HCN1: variants seen among roughly 807,000 people sequenced by gnomAD.
HCN1 encodes the protein hyperpolarization activated cyclic nucleotide gated potassium channel 1.
HCN1 carries 13 observed loss-of-function variants against 78.9 expected under a neutral mutation model. The ratio of observed to expected loss-of-function variants is 0.16; its 90% CI spans 0.11 to 0.26. The LOEUF (loss-of-function observed/expected upper bound fraction) is 0.26. Among genes scored for constraint, HCN1 ranks in the 10% least tolerant of loss-of-function variants. The probability of loss-of-function intolerance (pLI) is 1.00; values close to 1 mark genes in which losing one functional copy is unlikely to be tolerated. For missense variants in HCN1, 810 were observed against 1,154.3 expected (o/e 0.70, Z 4.32); for synonymous variants, 552 against 455.5 (o/e 1.21, Z -2.70).
chr5:45,306,793 T>A (rs1382159057), intron 5 of HCN1, among the ~76,000 whole-genome samples: 7 of 152,112 alleles, frequency 4.6e-5, no homozygotes, highest in Non-Finnish European at 8.8e-5. Flanking sequence ...TAGCTCTTTT[T>A]ATCAAAATAT....
At chr5:45,460,479 C>T (rs1741123536) in intron 3 of HCN1, among the ~76,000 whole-genome samples, 2 of 152,026 alleles carry the variant, frequency 1.3e-5, no homozygotes, top group African/African-American at 2.4e-5. Flanking sequence ...TACACCAAGA[C>T]ACCACTGGAA....
At chr5:45,525,724 C>T (rs1742724839) in intron 2 of HCN1, among the ~76,000 whole-genome samples, 1 of 151,960 alleles carries the variant, frequency 6.6e-6, no homozygotes, top group South Asian at 2.1e-4. Context: ...AATTAGTCAC[C>T]TACATACAGT....
At chr5:45,623,440 T>A (rs1745106833) in intron 2 of HCN1, among the ~76,000 whole-genome samples, 1 of 152,186 alleles carries the variant, frequency 6.6e-6, no homozygotes, top group African/African-American at 2.4e-5. Flanking sequence ...GGTTATCTAA[T>A]ACCCTTTGTT....
intron 1 of HCN1, among the ~76,000 whole-genome samples, chr5:45,667,168 A>T (rs968834841): frequency 2.0e-5 from 3 of 151,918 alleles, no homozygotes; most frequent in Non-Finnish European, 2.9e-5. Flanking sequence ...ACATAGGGAC[A>T]CAGTAAGAAT....
At chr5:45,326,961 T>C (rs1420812066) in intron 5 of HCN1, among the ~76,000 whole-genome samples, 2 of 151,538 alleles carry the variant, frequency 1.3e-5, no homozygotes, top group African/African-American at 4.8e-5. Context: ...CATTTGATTA[T>C]AAAGGGAAAA....
chr5:45,363,623 T>G (rs1485161250), intron 4 of HCN1, among the ~76,000 whole-genome samples: 1 of 152,050 alleles, frequency 6.6e-6, no homozygotes, highest in Non-Finnish European at 1.5e-5. Flanking sequence ...CAACTTGAAT[T>G]ATATCTCTCA....
intron 2 of HCN1, among the ~76,000 whole-genome samples, chr5:45,545,587 C>T (rs1386868470): frequency 6.6e-6 from 1 of 152,150 alleles, no homozygotes. Context: ...TTAGGTCTAA[C>T]ATGTAAATCT....
chr5:45,354,055 G>T (rs1029053192), intron 4 of HCN1, among the ~76,000 whole-genome samples: 5 of 151,620 alleles, frequency 3.3e-5, no homozygotes, highest in Admixed American at 3.3e-4. Context: ...CACCCAGAGA[G>T]AGAGAGAGAG....
chr5:45,371,432 G>T (rs970797962), intron 4 of HCN1, among the ~76,000 whole-genome samples: 1 of 151,736 alleles, frequency 6.6e-6, no homozygotes, highest in African/African-American at 2.4e-5. Context: ...ATTCAACAAT[G>T]ACAAAGGGGA....
chr5:45,513,083 AC>A (rs1037271902), intron 2 of HCN1, among the ~76,000 whole-genome samples: 3 of 152,084 alleles, frequency 2.0e-5, no homozygotes, highest in African/African-American at 7.2e-5. Context: ...TTTCGAAGAC[AC>A]CCATAGGGCG....
At chr5:45,578,607 G>A (rs1429683817) in intron 2 of HCN1, among the ~76,000 whole-genome samples, 2 of 151,994 alleles carry the variant, frequency 1.3e-5, no homozygotes, top group African/African-American at 2.4e-5. Flanking sequence ...TCAACAGTAC[G>A]GAGCATTCAC....
At chr5:45,584,257 T>C (rs1714571954) in intron 2 of HCN1, among the ~76,000 whole-genome samples, 6 of 152,188 alleles carry the variant, frequency 3.9e-5, no homozygotes, top group Admixed American at 3.3e-4. Context: ...CTCTTCTTGT[T>C]GAATTGATCC....
In HCN1 at chr5:45,478,274, CAG is replaced by C; in HGVS notation, c.850-16269_850-16268del. 3.3e-5 allele frequency among the ~76,000 whole-genome samples: 5 copies of C among 152,032 alleles called. No individual in the cohort carries two copies. The South Asian group carries it at 1.0e-3, about 32-fold the overall frequency. ...GCTCAGGGTAAATCAGTGAAAAAAA[CAG>C]AGATTTCTACTATTGTAAAAATGAA... On this transcript the variant is annotated intron_variant, in intron 2 of 7. Coordinates refer to ENST00000303230, the MANE Select transcript of HCN1 (RefSeq NM_021072.4).
chr5:45,372,334 A>G (rs1259088954), intron 4 of HCN1, among the ~76,000 whole-genome samples: 1 of 103,310 alleles, frequency 9.7e-6, no homozygotes, highest in Admixed American at 1.6e-4. Flanking sequence ...GTTATATAAT[A>G]TATATCATAT....
intron 4 of HCN1, among the ~76,000 whole-genome samples, chr5:45,365,276 C>T (rs1456278521): frequency 6.6e-6 from 1 of 151,706 alleles, no homozygotes; most frequent in African/African-American, 2.4e-5. Context: ...GACTGGGCTT[C>T]TAATGTACCC....
At chr5:45,576,473 C>G (rs534320969) in intron 2 of HCN1, 2 of 152,142 alleles carry the variant, frequency 1.3e-5, no homozygotes, top group African/African-American at 4.8e-5. Context: ...ATTGATGTGG[C>G]CAACTTCCTT....
intron 2 of HCN1, among the ~76,000 whole-genome samples, chr5:45,534,520 C>T (rs186270035): frequency 1.4e-5 from 2 of 147,974 alleles, no homozygotes; most frequent in Admixed American, 6.8e-5. Context: ...CTAAAGGGCT[C>T]CTGAAGTGTA....
chr5:45,261,701 CTG>C lies in HCN1; in HGVS notation c.*218_*219del, dbSNP rs2111837563. ...TTTAAAGAAAGGAAGACATATAACA[CTG>C]AATGCTAAACAGGTCTTTTGACCCT... is the stretch of plus-strand genomic sequence containing the variant. On this transcript the variant is annotated 3_prime_UTR_variant, in exon 8 of 8. Coordinates refer to ENST00000303230, the MANE Select transcript of HCN1 (RefSeq NM_021072.4). The C allele has an allele frequency of 6.8e-6, 3 of 443,892 alleles. No individual in the cohort carries two copies. Among genetic ancestry groups the C allele is most frequent in the African/African-American group, 5.9e-5 (3 of 51,154 alleles). 27.5% of individuals were successfully genotyped at this position (443,892 alleles called of 1,614,324 possible). A position where few individuals can be genotyped will look rare whatever the true frequency, so the allele number is the denominator to read the frequency against.
intron 2 of HCN1, among the ~76,000 whole-genome samples, chr5:45,562,126 G>A (rs1480244054): frequency 6.6e-6 from 1 of 151,980 alleles, no homozygotes; most frequent in East Asian, 1.9e-4. Flanking sequence ...ATTTGTGGCT[G>A]GCATTTGAAG....
Sources: gnomAD v4.1 joint callset for allele counts (sites outside exome capture counted in the v4.1 genomes callset) on GRCh38, gnomAD v4.1.1 for gene constraint, MANE v1.5 for transcripts, NCBI Gene and HGNC (gene_info 2026-07-23, HGNC 2026-07-21) for gene names.